Variants in DAB1 observed in about 807,000 individuals in gnomAD.
DAB1 encodes disabled homolog 1.
Under a neutral mutation model 64.6 loss-of-function variants are expected in DAB1, and 15 were observed. That is an observed-to-expected ratio of 0.23 (90% CI 0.16 to 0.36). DAB1 has a LOEUF of 0.36. Ranked by LOEUF, DAB1 falls within the 10% of genes least tolerant of loss-of-function variation. The probability of loss-of-function intolerance (pLI) is 1.00; values close to 1 mark genes in which losing one functional copy is unlikely to be tolerated. For missense variants in DAB1, 596 were observed against 706.7 expected (o/e 0.84, Z 1.78); for synonymous variants, 235 against 251.9 (o/e 0.93, Z 0.64).
intron 4 of DAB1, among the ~76,000 whole-genome samples, chr1:58,156,262 T>C (rs1421715296): frequency 6.6e-6 from 1 of 152,212 alleles, no homozygotes; most frequent in African/African-American, 2.4e-5. Context: ...GATTGGGTCC[T>C]AAGCAGTGCC....
chr1:57,755,384 T>G lies in DAB1; in HGVS notation n.552-105719A>C, dbSNP rs150155953. 1.4e-3 allele frequency among the ~76,000 whole-genome samples: 213 copies of G among 152,262 alleles called. 2 individuals carry two copies. Among genetic ancestry groups the G allele is most frequent in the African/African-American group, 4.5e-3 (187 of 41,562 alleles). Reference sequence around the variant, plus strand: ...TTTTTAATAAAGGTTTGTATATGTGTGTATATGTATATTTTCCCGTAAAGG... The same window carrying G: ...TTTTTAATAAAGGTTTGTATATGTGGGTATATGTATATTTTCCCGTAAAGG... On this transcript the variant is annotated intron_variant and non_coding_transcript_variant, in intron 6 of 20. Transcript: ENST00000485760.
At chr1:58,299,025 G>A (rs1218093644) in intron 4 of DAB1, among the ~76,000 whole-genome samples, 2 of 152,198 alleles carry the variant, frequency 1.3e-5, no homozygotes, top group Admixed American at 1.3e-4. Flanking sequence ...TCTAAGGTGA[G>A]GAATCAGCAT....
intron 2 of DAB1, among the ~76,000 whole-genome samples, chr1:57,282,578 G>A (rs1284433330): frequency 2.0e-5 from 3 of 152,148 alleles, no homozygotes; most frequent in African/African-American, 7.2e-5. Flanking sequence ...TTCAGTGAAT[G>A]ACCACATCGA....
chr1:57,796,254 G>A (rs1252259077), intron 6 of DAB1, among the ~76,000 whole-genome samples: 2 of 152,040 alleles, frequency 1.3e-5, no homozygotes, highest in African/African-American at 4.8e-5. Flanking sequence ...CTGGCTGGGC[G>A]CGGTGGCTCA....
At chr1:57,558,742 T>C (rs1187450664) in intron 7 of DAB1, among the ~76,000 whole-genome samples, 2 of 152,166 alleles carry the variant, frequency 1.3e-5, no homozygotes, top group Admixed American at 1.3e-4. Context: ...AGCTGAAATA[T>C]GGATTAAAAG....
intron 3 of DAB1, among the ~76,000 whole-genome samples, chr1:58,487,167 G>C (rs1645590364): frequency 6.6e-6 from 1 of 152,204 alleles, no homozygotes; most frequent in African/African-American, 2.4e-5. Flanking sequence ...ACTTTTACTA[G>C]GAAAGGAGCA....
intron 2 of DAB1, among the ~76,000 whole-genome samples, chr1:57,246,716 G>A (rs1668906177): frequency 6.6e-6 from 1 of 152,218 alleles, no homozygotes; most frequent in African/African-American, 2.4e-5. Flanking sequence ...GCCCATAAGA[G>A]CAACCTCGGG....
chr1:57,065,392 C>T (rs1476208076), intron 8 of DAB1, among the ~76,000 whole-genome samples: 1 of 152,074 alleles, frequency 6.6e-6, no homozygotes, highest in Non-Finnish European at 1.5e-5. Flanking sequence ...TAACAGAGCT[C>T]CTTGTCTTAT....
At chr1:57,635,073 C>CT (rs1302788094) in intron 7 of DAB1, among the ~76,000 whole-genome samples, 3 of 152,106 alleles carry the variant, frequency 2.0e-5, no homozygotes, top group African/African-American at 7.2e-5. Context: ...GGGACCCAGG[C>CT]TGGCTATAGC....
chr1:57,877,727 AT>A lies in DAB1; in HGVS notation n.87+6271del, dbSNP rs1244640927. 2.3e-3 allele frequency among the ~76,000 whole-genome samples: 175 copies of A among 75,040 alleles called. 2 individuals are homozygous for A. Among genetic ancestry groups the A allele is most frequent in the African/African-American group, 0.01 (162 of 16,182 alleles). The allele number at this position is 75,040 out of a possible 152,430, so 49.2% of individuals were successfully genotyped here. A position where few individuals can be genotyped will look rare whatever the true frequency, so the allele number is the denominator to read the frequency against. ...AGGCGCCCACCACCGCGCCCGGCTA[AT>A]TTTTTTTTTGTATTTTTAGTAGAGA... On this transcript the variant is annotated intron_variant and non_coding_transcript_variant, in intron 1 of 1. Transcript: ENST00000477280.
chr1:57,089,139 G>A (rs927065137), intron 4 of DAB1, among the ~76,000 whole-genome samples: 4 of 152,188 alleles, frequency 2.6e-5, no homozygotes, highest in African/African-American at 9.7e-5. Flanking sequence ...GAAATTACAC[G>A]TGACTTGCTT....
intron 1 of DAB1, among the ~76,000 whole-genome samples, chr1:57,314,467 A>C (rs545699884): frequency 2.0e-5 from 3 of 152,122 alleles, no homozygotes; most frequent in African/African-American, 7.2e-5. Flanking sequence ...GGTCCTTCAC[A>C]CTCCAAGCCC....
intron 5 of DAB1, among the ~76,000 whole-genome samples, chr1:57,890,808 C>T (rs60452741): frequency 0.01 from 1,572 of 152,220 alleles, 20 homozygotes; most frequent in African/African-American, 0.035. Context: ...AAATATTACC[C>T]TGCGTAAAAT....
At chr1:57,473,368 G>A (rs1687208899) in intron 7 of DAB1, among the ~76,000 whole-genome samples, 1 of 152,078 alleles carries the variant, frequency 6.6e-6, no homozygotes, top group Admixed American at 6.5e-5. Flanking sequence ...TCAAGGGAAG[G>A]GCCCTTACTT....
intron 6 of DAB1, among the ~76,000 whole-genome samples, chr1:57,771,350 C>T (rs1240921598): frequency 6.6e-6 from 1 of 151,328 alleles, no homozygotes; most frequent in East Asian, 1.9e-4. Flanking sequence ...AATTAGCAAC[C>T]ATGAAATAAA....
chr1:57,927,335 A>C (rs1348392628), intron 5 of DAB1, among the ~76,000 whole-genome samples: 1 of 152,130 alleles, frequency 6.6e-6, no homozygotes. Context: ...TTGACTCTGC[A>C]GAAGGGTAAG....
intron 2 of DAB1, among the ~76,000 whole-genome samples, chr1:57,220,405 C>CAACCAT (rs1321934462): frequency 6.6e-6 from 1 of 152,188 alleles, no homozygotes; most frequent in Non-Finnish European, 1.5e-5. Context: ...TGGATGGTAA[C>CAACCAT]AACCATAACC....
At chr1:57,802,252 G>A (rs1297098976) in intron 6 of DAB1, among the ~76,000 whole-genome samples, 4 of 152,218 alleles carry the variant, frequency 2.6e-5, no homozygotes, top group Non-Finnish European at 5.9e-5. Context: ...TTACTTTGCT[G>A]TTGTCCTTTT....
intron 3 of DAB1, among the ~76,000 whole-genome samples, chr1:58,470,151 T>G (rs1255554305): frequency 2.8e-5 from 3 of 106,122 alleles, no homozygotes; most frequent in Non-Finnish European, 6.0e-5. Flanking sequence ...TTTATTTATT[T>G]ATTTATTTTT....
Sources: allele counts gnomAD v4.1 joint callset (sites outside exome capture counted in the v4.1 genomes callset), GRCh38; gene constraint gnomAD v4.1.1; transcripts MANE v1.5; gene names NCBI Gene and HGNC (gene_info 2026-07-23, HGNC 2026-07-21).